PKD1L1: variants seen among roughly 807,000 people sequenced by gnomAD.
PKD1L1 encodes polycystin-1-like protein 1.
Under a neutral mutation model 323.4 loss-of-function variants are expected in PKD1L1, and 236 were observed. That is an observed-to-expected ratio of 0.73 (90% CI 0.66 to 0.81). The LOEUF (loss-of-function observed/expected upper bound fraction) is 0.81. Among genes scored for constraint, PKD1L1 ranks in the 40% least tolerant of loss-of-function variants. The probability of loss-of-function intolerance (pLI) is 0.00; values close to 1 mark genes in which losing one functional copy is unlikely to be tolerated. For synonymous variants in PKD1L1, 1,344 were observed against 1,335.0 expected (o/e 1.01, Z -0.15); for missense variants, 3,320 against 3,508.0 (o/e 0.95, Z 1.35).
At chr7:47,834,448 A>G in intron 39 of PKD1L1, 63 bp from the exon 40 acceptor site, 1 of 1,336,964 alleles carries the variant, frequency 7.5e-7, no homozygotes, top group Non-Finnish European at 1.1e-6. Context: ...AAACAGGGAT[A>G]TGTTTAAGGA....
intron 13 of PKD1L1, among the ~76,000 whole-genome samples, chr7:47,901,287 A>T (rs1031236838): frequency 6.7e-6 from 1 of 149,458 alleles, no homozygotes; most frequent in Non-Finnish European, 1.5e-5. Context: ...ATAGTGAGCC[A>T]AGATCATGCC....
chr7:47,924,593 C>T (rs1413888827), intron 7 of PKD1L1, among the ~76,000 whole-genome samples: 1 of 152,128 alleles, frequency 6.6e-6, no homozygotes, highest in Admixed American at 6.5e-5. Context: ...AAGTCCTAAC[C>T]CCTATCATAA....
At chr7:47,883,851 T>C (rs896338065) in intron 19 of PKD1L1, among the ~76,000 whole-genome samples, 1 of 152,216 alleles carries the variant, frequency 6.6e-6, no homozygotes, top group African/African-American at 2.4e-5. Context: ...ACCTACTCAT[T>C]TGACAGATAA....
At chr7:47,803,887 T>C (rs1457662490) in intron 52 of PKD1L1, among the ~76,000 whole-genome samples, 2 of 152,120 alleles carry the variant, frequency 1.3e-5, no homozygotes, top group South Asian at 2.1e-4. Context: ...CAGACAAACA[T>C]AGTACAACTG....
chr7:47,887,645 G>A (rs1470409950), intron 17 of PKD1L1, among the ~76,000 whole-genome samples: 7 of 152,242 alleles, frequency 4.6e-5, no homozygotes, highest in Admixed American at 1.3e-4. Context: ...AAAGACAGGC[G>A]AGGTGGTGAC....
chr7:47,803,489 C>T (rs765250220), intron 52 of PKD1L1, 145 bp from the exon 53 acceptor site: 13 of 862,578 alleles, frequency 1.5e-5, no homozygotes, highest in Middle Eastern at 3.6e-4. Flanking sequence ...ACATCAAGTG[C>T]AGATGTCTGC....
chr7:47,801,365 C>G (rs962880635), intron 53 of PKD1L1, among the ~76,000 whole-genome samples: 1 of 152,202 alleles, frequency 6.6e-6, no homozygotes. Flanking sequence ...GTTTCATGGT[C>G]CTGGTTGTCG....
intron 17 of PKD1L1, 123 bp downstream of exon 17, chr7:47,887,867 C>T (rs1037024633): frequency 2.5e-5 from 24 of 964,254 alleles, no homozygotes; most frequent in Non-Finnish European, 3.0e-5. Context: ...CACGACGGAC[C>T]GTTCACCAGG....
intron 34 of PKD1L1, 101 bp downstream of exon 34, chr7:47,842,861 G>A: frequency 9.0e-7 from 1 of 1,116,740 alleles, no homozygotes; most frequent in South Asian, 1.6e-5. Flanking sequence ...TGAGGCTGCT[G>A]TGACAGGTGA....
intron 7 of PKD1L1, among the ~76,000 whole-genome samples, chr7:47,924,085 A>G (rs1732460014): frequency 6.6e-6 from 1 of 152,222 alleles, no homozygotes; most frequent in Non-Finnish European, 1.5e-5. Context: ...ACTGCCCTGA[A>G]AAAAGACTAA....
intron 13 of PKD1L1, among the ~76,000 whole-genome samples, chr7:47,899,596 C>T (rs949746199): frequency 5.3e-5 from 8 of 152,052 alleles, no homozygotes; most frequent in Admixed American, 2.0e-4. Context: ...AGCGCCTCCA[C>T]CCTGCAGATG....
intron 36 of PKD1L1, among the ~76,000 whole-genome samples, chr7:47,837,939 C>T (rs1015495630): frequency 2.6e-5 from 4 of 152,138 alleles, no homozygotes; most frequent in Admixed American, 2.0e-4. Flanking sequence ...CAACAAGCAA[C>T]GCTCAATTCG....
At chr7:47,917,986 G>A (rs763584890) in intron 7 of PKD1L1, among the ~76,000 whole-genome samples, 17 of 152,036 alleles carry the variant, frequency 1.1e-4, no homozygotes, top group Admixed American at 8.5e-4. Context: ...CTCACATCTC[G>A]ATACTAACGT....
chr7:47,788,304 A>T (rs578182487), intron 56 of PKD1L1, among the ~76,000 whole-genome samples: 1 of 149,742 alleles, frequency 6.7e-6, no homozygotes, highest in Non-Finnish European at 1.5e-5. Flanking sequence ...TTTTATTCAT[A>T]TATTTTTATT....
intron 8 of PKD1L1, among the ~76,000 whole-genome samples, chr7:47,910,096 T>C (rs769052962): frequency 6.6e-6 from 1 of 152,152 alleles, no homozygotes; most frequent in Non-Finnish European, 1.5e-5. Context: ...CAAAATAATT[T>C]TGCACAGGAA....
chr7:47,815,323 G>A lies in PKD1L1; in HGVS notation c.7089+11C>T, dbSNP rs754503600. The A allele has an allele frequency of 3.0e-5, 48 of 1,611,964 alleles. No individual in the cohort carries two copies. The highest frequency in any genetic ancestry group is 6.7e-5 in the Admixed American group (4 of 59,402). On this transcript the variant is annotated intron_variant, in intron 47 of 56. Coordinates refer to ENST00000289672, the MANE Select transcript of PKD1L1 (RefSeq NM_138295.5). ...AGATGATCTCCTATGAAGAGGAGAC[G>A]GAAAGCTCACCTGAGCCCCCGGCAC...
rs372594991 is a variant in PKD1L1 at position 47,831,356 on chromosome 7, C to T, written c.6338-4G>A. 2.8e-5 allele frequency: 45 copies of T among 1,609,688 alleles called. No individual in the cohort carries two copies. Among genetic ancestry groups the T allele is most frequent in the Middle Eastern group, 1.7e-4 (1 of 6,044 alleles). On this transcript the variant is annotated splice_polypyrimidine_tract_variant and splice_region_variant and intron_variant, in intron 41 of 56. Transcript: ENST00000289672. The stretch of plus-strand genomic sequence containing the variant: ...CCCTCCAAACCACTGCTGGGTGCTG[C>T]GGAAGAGTAGGACAGAGACAAGGCA...
intron 34 of PKD1L1, 109 bp downstream of exon 34, chr7:47,842,853 A>G: frequency 1.9e-6 from 2 of 1,032,420 alleles, no homozygotes; most frequent in Non-Finnish European, 2.8e-6. Flanking sequence ...CAATGAGATG[A>G]GGCTGCTGTG....
At chr7:47,874,303 T>C (rs556199857) in intron 23 of PKD1L1, among the ~76,000 whole-genome samples, 12 of 152,226 alleles carry the variant, frequency 7.9e-5, no homozygotes, top group East Asian at 7.7e-4. Context: ...TAAGACCTAT[T>C]TGGGGGACCC....
Sources: allele counts gnomAD v4.1 joint callset (sites outside exome capture counted in the v4.1 genomes callset), GRCh38; gene constraint gnomAD v4.1.1; transcripts MANE v1.5; gene names NCBI Gene and HGNC (gene_info 2026-07-23, HGNC 2026-07-21).